The following RGS7 variants were observed in gnomAD, a reference collection of about 807,000 sequenced individuals.
RGS7 encodes regulator of G protein signaling 7.
A neutral mutation model predicts 81.1 loss-of-function variants in RGS7; 27 were observed. The ratio of observed to expected loss-of-function variants is 0.33; its 90% CI spans 0.25 to 0.46. RGS7 has a LOEUF of 0.46. Ranked by LOEUF, RGS7 falls within the 20% of genes least tolerant of loss-of-function variation. RGS7 has a pLI of 1.00. For missense variants in RGS7, 396 were observed against 607.4 expected, an observed-to-expected ratio of 0.65 and a Z score of 3.66; for synonymous variants, 208 against 207.7, an observed-to-expected ratio of 1.00 and a Z score of -0.01.
chr1:241,151,871 G>A (rs1321368905), intron 2 of RGS7, among the ~76,000 whole-genome samples: 2 of 152,142 alleles, frequency 1.3e-5, no homozygotes, highest in Non-Finnish European at 2.9e-5. Context: ...AGAAATAAAT[G>A]TTCACATTGG....
chr1:241,227,200 T>C (rs1218934891), intron 2 of RGS7, among the ~76,000 whole-genome samples: 1 of 151,814 alleles, frequency 6.6e-6, no homozygotes, highest in African/African-American at 2.4e-5. Context: ...TGAGAGAAAA[T>C]GAGAGTTGTA....
At chr1:240,796,438 T>C (rs932147331) in intron 18 of RGS7, among the ~76,000 whole-genome samples, 3 of 152,022 alleles carry the variant, frequency 2.0e-5, no homozygotes, top group African/African-American at 7.2e-5. Context: ...GTAATCCCAG[T>C]AGTTTGGGAA....
chr1:241,078,309 G>A (rs2062934751), intron 3 of RGS7, among the ~76,000 whole-genome samples: 1 of 133,904 alleles, frequency 7.5e-6, no homozygotes, highest in Non-Finnish European at 1.7e-5. Flanking sequence ...CTCTGTGTGT[G>A]TGTGTGTGTG....
At chr1:240,881,465 G>A (rs568613741) in intron 6 of RGS7, among the ~76,000 whole-genome samples, 10 of 152,200 alleles carry the variant, frequency 6.6e-5, no homozygotes, top group South Asian at 2.1e-4. Context: ...AAACCTGCAC[G>A]TTGTGCACAT....
At chr1:241,297,611 T>C (rs988779024) in intron 2 of RGS7, among the ~76,000 whole-genome samples, 25 of 152,124 alleles carry the variant, frequency 1.6e-4, no homozygotes, top group Admixed American at 1.4e-3. Flanking sequence ...AACAGTGTAA[T>C]TGGCCAATGC....
chr1:241,165,958 G>A (rs4660034), intron 2 of RGS7, among the ~76,000 whole-genome samples: 94,060 of 151,902 alleles, frequency 0.62, 30,986 homozygotes, highest in Middle Eastern at 0.72. Flanking sequence ...CGTAGGCCCC[G>A]CCTCAGAACC....
At chr1:241,220,985 G>GAAA (rs1558203122) in intron 2 of RGS7, among the ~76,000 whole-genome samples, 5 of 53,014 alleles carry the variant, frequency 9.4e-5, no homozygotes, top group East Asian at 6.8e-4. Flanking sequence ...AAGGAAGGAA[G>GAAA]GAAGGAAGGA....
intron 18 of RGS7, among the ~76,000 whole-genome samples, chr1:240,784,645 C>CA (rs879440513): frequency 7.4e-4 from 93 of 125,870 alleles, no homozygotes; most frequent in Admixed American, 1.4e-3. Flanking sequence ...GACTCCGCCT[C>CA]AAAAAAAAAA....
chr1:241,029,132 A>AAAAAC (rs71172672), intron 3 of RGS7, among the ~76,000 whole-genome samples: 37,945 of 150,084 alleles, frequency 0.25, 5,490 homozygotes, highest in Non-Finnish European at 0.34. Context: ...TGTAAAAAAG[A>AAAAAC]AAAACAAAAC....
At chr1:241,106,783 C>CACACACACAA (rs1458660161) in intron 2 of RGS7, among the ~76,000 whole-genome samples, 3 of 147,722 alleles carry the variant, frequency 2.0e-5, no homozygotes, top group African/African-American at 7.5e-5. Context: ...CACACACACA[C>CACACACACAA]GATAACATAA....
intron 2 of RGS7, among the ~76,000 whole-genome samples, chr1:241,269,060 CTGAT>C (rs1573438307): frequency 6.6e-6 from 1 of 152,188 alleles, no homozygotes; most frequent in African/African-American, 2.4e-5. Flanking sequence ...TCTAGAGATT[CTGAT>C]TAATTATACA....
At chr1:240,951,596 C>T (rs374744290) in intron 4 of RGS7, among the ~76,000 whole-genome samples, 56 of 151,804 alleles carry the variant, frequency 3.7e-4, no homozygotes, top group African/African-American at 1.3e-3. Context: ...AACTGAAATT[C>T]GAAGAAAAAA....
chr1:241,080,124 A>G (rs990055579), intron 3 of RGS7, among the ~76,000 whole-genome samples: 1 of 152,190 alleles, frequency 6.6e-6, no homozygotes, highest in Non-Finnish European at 1.5e-5. Context: ...TCATAAAAAA[A>G]GGCTAAGAAA....
At chr1:241,247,933 T>C (rs1203281603) in intron 2 of RGS7, among the ~76,000 whole-genome samples, 1 of 152,210 alleles carries the variant, frequency 6.6e-6, no homozygotes, top group East Asian at 1.9e-4. Flanking sequence ...TAACTCTCTA[T>C]ATGGTCAAGC....
At chr1:240,808,908 T>TTTCTTG (rs5782162) in intron 14 of RGS7, among the ~76,000 whole-genome samples, 1 of 151,340 alleles carries the variant, frequency 6.6e-6, no homozygotes, top group Non-Finnish European at 1.5e-5. Context: ...ATATCCTTTA[T>TTTCTTG]ATAGGTGGAA....
At chr1:241,107,385 CGATTACA>C (rs1485279701) in intron 2 of RGS7, among the ~76,000 whole-genome samples, 1 of 152,128 alleles carries the variant, frequency 6.6e-6, no homozygotes, top group Non-Finnish European at 1.5e-5. Context: ...CCTGCTTCTC[CGATTACA>C]GATTACAGTA....
Position 240,813,612 on chromosome 1 carries a change from A to G in RGS7, c.956+6T>C. On this transcript the variant is annotated splice_donor_region_variant and intron_variant, in intron 13 of 18. Coordinates refer to ENST00000440928, the MANE Select transcript of RGS7 (RefSeq NM_001364886.1). Reference sequence around the variant, plus strand: ...ATATGGGCGAGAAAGATAAAATGCCACCTACCTTGCCTCAAGTTCCCAGAA... The same window carrying G: ...ATATGGGCGAGAAAGATAAAATGCCGCCTACCTTGCCTCAAGTTCCCAGAA... 1 of 1,565,874 alleles carries G rather than the reference A, an allele frequency of 6.4e-7. No individual in the cohort carries two copies. Among genetic ancestry groups the G allele is most frequent in the Non-Finnish European group, 8.8e-7 (1 of 1,136,048 alleles).
At chr1:241,001,863 A>G (rs1280440371) in intron 3 of RGS7, among the ~76,000 whole-genome samples, 1 of 152,202 alleles carries the variant, frequency 6.6e-6, no homozygotes, top group Non-Finnish European at 1.5e-5. Flanking sequence ...TCTTGTCATT[A>G]TAACCCATAG....
chr1:240,932,991 C>A (rs1163813682), intron 5 of RGS7, among the ~76,000 whole-genome samples: 1 of 142,122 alleles, frequency 7.0e-6, no homozygotes, highest in Non-Finnish European at 1.5e-5. Flanking sequence ...TCACGCCATT[C>A]TCCTGCCTCA....
Sources: gnomAD v4.1 joint callset for allele counts (sites outside exome capture counted in the v4.1 genomes callset) on GRCh38, gnomAD v4.1.1 for gene constraint, MANE v1.5 for transcripts, NCBI Gene and HGNC (gene_info 2026-07-23, HGNC 2026-07-21) for gene names.